PTPRJ: variants seen among roughly 807,000 people sequenced by gnomAD.
The protein encoded by PTPRJ is protein tyrosine phosphatase receptor type J.
Under a neutral mutation model 141.3 loss-of-function variants are expected in PTPRJ, and 129 were observed. That is an observed-to-expected ratio of 0.91 (90% CI 0.79 to 1.06). The LOEUF (loss-of-function observed/expected upper bound fraction) is 1.06, where lower values mean the gene tolerates loss of function less well. Among genes scored for constraint, PTPRJ ranks in the 50% least tolerant of loss-of-function variants. PTPRJ has a pLI of 0.00. For synonymous variants in PTPRJ, 610 were observed against 640.5 expected, an observed-to-expected ratio of 0.95 and a Z score of 0.72; for missense variants, 1,601 against 1,679.7, an observed-to-expected ratio of 0.95 and a Z score of 0.82.
intron 18 of PTPRJ, among the ~76,000 whole-genome samples, chr11:48,153,270 C>A (rs1418131075): frequency 8.7e-6 from 1 of 114,974 alleles, no homozygotes; most frequent in African/African-American, 2.5e-5. Flanking sequence ...CATGGTGGCT[C>A]ACGCCTGTAA....
rs190180442 is a variant in PTPRJ, at chr11:48,018,488, G to A, written c.96+37480G>A. Reference sequence around the variant, plus strand: ...ATTCCAGGAGACCGAGGTTTGAGGGGAGGCTTTTCATTGTTTGATTAGCTC... The same window carrying A: ...ATTCCAGGAGACCGAGGTTTGAGGGAAGGCTTTTCATTGTTTGATTAGCTC... On this transcript the variant is annotated intron_variant, in intron 1 of 24. Coordinates refer to ENST00000418331, the MANE Select transcript of PTPRJ (RefSeq NM_002843.4). 4.6e-3 allele frequency among the ~76,000 whole-genome samples: 707 copies of A among 152,294 alleles called. 5 individuals are homozygous for A. The highest frequency in any genetic ancestry group is 0.016 in the African/African-American group (666 of 41,550).
intron 1 of PTPRJ, among the ~76,000 whole-genome samples, chr11:48,031,089 A>G (rs1285628258): frequency 2.0e-5 from 3 of 152,220 alleles, no homozygotes; most frequent in Non-Finnish European, 2.9e-5. Context: ...ACCTCTAACC[A>G]AAGAGCCACC....
chr11:48,076,898 G>A (rs1022688133), intron 1 of PTPRJ, among the ~76,000 whole-genome samples: 7 of 151,158 alleles, frequency 4.6e-5, no homozygotes, highest in African/African-American at 9.7e-5. Flanking sequence ...ATGGAGTTTC[G>A]CTCTTGTTGT....
chr11:48,138,426 A>C (rs1018128419), intron 10 of PTPRJ, among the ~76,000 whole-genome samples: 3 of 152,140 alleles, frequency 2.0e-5, no homozygotes, highest in African/African-American at 7.2e-5. Flanking sequence ...TGTTCAGGTT[A>C]CCTTTCCAGG....
intron 1 of PTPRJ, among the ~76,000 whole-genome samples, chr11:48,087,601 A>T (rs1445208158): frequency 1.3e-5 from 2 of 152,218 alleles, no homozygotes; most frequent in African/African-American, 4.8e-5. Flanking sequence ...CAGAGAAGAC[A>T]TGTGAGTTGC....
At chr11:48,019,114 C>T (rs1207958212) in intron 1 of PTPRJ, among the ~76,000 whole-genome samples, 1 of 152,058 alleles carries the variant, frequency 6.6e-6, no homozygotes, top group South Asian at 2.1e-4. Flanking sequence ...TCCTGCCCTT[C>T]CAGGCTGCCA....
In PTPRJ at chr11:48,168,534, GTATATATATATATATATATA is replaced by G. The variant is rs71045551; in HGVS notation, c.*1201_*1220del. The G allele has an allele frequency of 1.1e-3, 49 of 44,074 alleles. 3 individuals carry two copies. The highest frequency in any genetic ancestry group is 0.023 in the Middle Eastern group (2 of 86). 2.7% of individuals were successfully genotyped at this position (44,074 alleles called of 1,614,324 possible). On this transcript the variant is annotated 3_prime_UTR_variant, in exon 25 of 25. Coordinates refer to ENST00000418331, the MANE Select transcript of PTPRJ (RefSeq NM_002843.4). ...CGTGACACATATCGGAATCTACTGTGTATATATATATATATATATATATATATATATATATATATATATAT... is the reference window on the plus strand; with the variant it reads ...CGTGACACATATCGGAATCTACTGTGTATATATATATATATATATATATAT...
intron 8 of PTPRJ, among the ~76,000 whole-genome samples, chr11:48,131,140 T>C (rs1460931183): frequency 1.4e-5 from 2 of 140,160 alleles, no homozygotes; most frequent in African/African-American, 5.2e-5. Context: ...TGCAGTGGCA[T>C]GATCTTGGCT....
At chr11:48,043,670 C>G (rs1008991126) in intron 1 of PTPRJ, among the ~76,000 whole-genome samples, 8 of 152,232 alleles carry the variant, frequency 5.3e-5, no homozygotes, top group East Asian at 3.9e-4. Context: ...TCCCCCACCC[C>G]CAAAGAGATA....
chr11:47,985,769 C>T (rs538391127), intron 1 of PTPRJ, among the ~76,000 whole-genome samples: 4 of 152,130 alleles, frequency 2.6e-5, no homozygotes, highest in South Asian at 4.2e-4. Flanking sequence ...GGCACGATCT[C>T]GGCTCACTGC....
At chr11:48,157,951 G>C (rs1404262752) in intron 21 of PTPRJ, among the ~76,000 whole-genome samples, 1 of 152,208 alleles carries the variant, frequency 6.6e-6, no homozygotes, top group Non-Finnish European at 1.5e-5. Flanking sequence ...TCAGGAGTTT[G>C]AGACCAGCCT....
chr11:48,031,958 G>A (rs560632516), intron 1 of PTPRJ, among the ~76,000 whole-genome samples: 86 of 152,292 alleles, frequency 5.6e-4, no homozygotes, highest in African/African-American at 1.9e-3. Flanking sequence ...CCCCGTCAAC[G>A]TTAGAGCTTA....
At chr11:48,117,199 C>G (rs1856588446) in intron 3 of PTPRJ, among the ~76,000 whole-genome samples, 1 of 152,038 alleles carries the variant, frequency 6.6e-6, no homozygotes, top group African/African-American at 2.4e-5. Flanking sequence ...TGGGATACAC[C>G]AAAAGCAGCC....
In PTPRJ at chr11:47,980,572, T is replaced by G. The variant is rs1198972423; in HGVS notation, c.-341T>G. On this transcript the variant is annotated 5_prime_UTR_variant, in exon 1 of 25. It removes an upstream start codon present in the reference 5' UTR. Transcript: ENST00000418331. ...GCTCCCTGCAGCAGCCCCAGCCGCATGACGCGCGGAGGAGGCAGCGGGAGC... is the reference window on the plus strand; with the variant it reads ...GCTCCCTGCAGCAGCCCCAGCCGCAGGACGCGCGGAGGAGGCAGCGGGAGC... 9 of 982,510 alleles carry G rather than the reference T, an allele frequency of 9.2e-6. No individual in the cohort carries two copies. The highest frequency in any genetic ancestry group is 5.3e-5 in the African/African-American group (3 of 56,824). The allele number at this position is 982,510 out of a possible 1,614,324, so 60.9% of individuals were successfully genotyped here. A position where few individuals can be genotyped will look rare whatever the true frequency, so the allele number is the denominator to read the frequency against.
At chr11:47,985,017 T>G (rs1476068517) in intron 1 of PTPRJ, among the ~76,000 whole-genome samples, 1 of 151,994 alleles carries the variant, frequency 6.6e-6, no homozygotes, top group East Asian at 1.9e-4. Flanking sequence ...CATGCCCAGT[T>G]AATTTTTGGA....
rs1473011869 is a variant in PTPRJ at position 48,123,849 on chromosome 11, T to C, written c.853T>C (p.Leu285=). 1 of 1,613,960 alleles carries C rather than the reference T, an allele frequency of 6.2e-7. No homozygotes were observed. The highest frequency in any genetic ancestry group is 1.3e-5 in the African/African-American group (1 of 74,912). The change falls in exon 5 of 25, where the codon TTG becomes CTG. Residue 285 remains leucine (L), a synonymous_variant. Transcript: ENST00000418331. ...ATCAAATAAGACAAAGGGAGACCCC[T>C]TGGGCACAGAAGGTGGCTTGGGTGA... ...LQSNKTKGDP[L]GTEGGLDASN...
intron 3 of PTPRJ, among the ~76,000 whole-genome samples, chr11:48,113,864 C>T (rs977631232): frequency 6.6e-6 from 1 of 151,962 alleles, no homozygotes; most frequent in African/African-American, 2.4e-5. Flanking sequence ...AAATATTAAT[C>T]AATATAACCC....
chr11:48,159,834 G>T lies in PTPRJ; in HGVS notation c.3439-96G>T, dbSNP rs1179057269. On this transcript the variant is annotated intron_variant, in intron 21 of 24. Coordinates refer to ENST00000418331, the MANE Select transcript of PTPRJ (RefSeq NM_002843.4). ...AACTAGAAGGTCTGATTCCATCTCT[G>T]ATGCCAGTTTTCAATAGCCAGTCTC... 2.0e-6 allele frequency: 3 copies of T among 1,486,646 alleles called. No individual in the cohort carries two copies. In the East Asian group the frequency reaches 6.9e-5, roughly 34 times the overall value. 92.1% of individuals were successfully genotyped at this position (1,486,646 alleles called of 1,614,324 possible).
chr11:48,053,278 TAAATATATAA>T (rs1421564169), intron 1 of PTPRJ, among the ~76,000 whole-genome samples: 9 of 89,936 alleles, frequency 1.0e-4, no homozygotes, highest in Non-Finnish European at 1.4e-4. Flanking sequence ...TATAAATATA[TAAATATATAA>T]AAATATATAA....
Sources: gnomAD v4.1 joint callset for allele counts (sites outside exome capture counted in the v4.1 genomes callset) on GRCh38, gnomAD v4.1.1 for gene constraint, MANE v1.5 for transcripts, NCBI Gene and HGNC (gene_info 2026-07-23, HGNC 2026-07-21) for gene names.